The following WDPCP variants were observed in gnomAD, a reference collection of about 807,000 sequenced individuals.
WDPCP encodes the protein WD repeat-containing and planar cell polarity effector protein fritz homolog.
In WDPCP, 71 loss-of-function variants were observed where a neutral mutation model predicts 93.1. The ratio of observed to expected loss-of-function variants is 0.76; its 90% CI spans 0.63 to 0.93. The LOEUF is 0.93. Among genes scored for constraint, WDPCP ranks in the 40% least tolerant of loss-of-function variants. The pLI is 0.00. For synonymous variants in WDPCP, 315 were observed against 315.0 expected, an observed-to-expected ratio of 1.00 and a Z score of 0.00; for missense variants, 844 against 887.4, an observed-to-expected ratio of 0.95 and a Z score of 0.62.
At chr2:63,516,238 T>C (rs1702543890) in intron 1 of WDPCP, among the ~76,000 whole-genome samples, 1 of 152,140 alleles carries the variant, frequency 6.6e-6, no homozygotes, top group Non-Finnish European at 1.5e-5. Flanking sequence ...AATACATTCA[T>C]AAATGTGTAA....
chr2:63,559,253 AC>A (rs956663403), intron 1 of WDPCP, among the ~76,000 whole-genome samples: 2 of 152,148 alleles, frequency 1.3e-5, no homozygotes, highest in African/African-American at 4.8e-5. Flanking sequence ...CTCTCAATAA[AC>A]TAGGTATTGA....
chr2:63,142,541 G>A lies in WDPCP; in HGVS notation c.2190+10373C>T, dbSNP rs563723265. On this transcript the variant is annotated intron_variant, in intron 17 of 17. Transcript: ENST00000272321. ...AATTTTTTAAAATTTATTGAGGGTC[G>A]TTTTATGGGCTATCATGTGCTGTAT... is the stretch of plus-strand genomic sequence containing the variant. Among the ~76,000 whole-genome samples, 9 of 152,204 alleles carry A rather than the reference G, an allele frequency of 5.9e-5. No homozygotes were observed. In the East Asian group the frequency reaches 7.7e-4, roughly 13 times the overall value.
chr2:63,235,482 T>G (rs1679310681), intron 14 of WDPCP, among the ~76,000 whole-genome samples: 2 of 152,188 alleles, frequency 1.3e-5, no homozygotes, highest in South Asian at 2.1e-4. Context: ...AGGCAACTCC[T>G]TCTTAACTCA....
chr2:63,561,339 G>A (rs562056147), intron 1 of WDPCP, among the ~76,000 whole-genome samples: 2 of 152,124 alleles, frequency 1.3e-5, no homozygotes, highest in East Asian at 1.9e-4. Flanking sequence ...CCAGCTGGGC[G>A]TGGTGGCACA....
chr2:63,503,133 C>G (rs891470845), intron 1 of WDPCP, among the ~76,000 whole-genome samples: 1 of 152,166 alleles, frequency 6.6e-6, no homozygotes, highest in African/African-American at 2.4e-5. Context: ...CGGTTTAATT[C>G]ACTTAGTTAA....
At chr2:63,217,869 C>T (rs962605271) in intron 14 of WDPCP, among the ~76,000 whole-genome samples, 1 of 152,086 alleles carries the variant, frequency 6.6e-6, no homozygotes, top group Non-Finnish European at 1.5e-5. Context: ...CATCATTTTG[C>T]AGTTTGGTCC....
Position 63,152,791 on chromosome 2 carries a change from A to T in WDPCP, c.2190+123T>A, listed in dbSNP as rs577989143. Reference sequence around the variant, plus strand: ...GTAGTTAATATAGACCAGTTAATCTAGTTAATGTAGTCCAGTTAATGTAGA... The same window carrying T: ...GTAGTTAATATAGACCAGTTAATCTTGTTAATGTAGTCCAGTTAATGTAGA... On this transcript the variant is annotated intron_variant, in intron 17 of 17. Transcript: ENST00000272321. The T allele has an allele frequency of 1.3e-5, 11 of 858,302 alleles. No homozygotes were observed. In the African/African-American group the frequency reaches 1.4e-4, roughly 11 times the overall value. 53.2% of individuals were successfully genotyped at this position (858,302 alleles called of 1,614,324 possible). A position where few individuals can be genotyped will look rare whatever the true frequency, so the allele number is the denominator to read the frequency against.
intron 2 of WDPCP, among the ~76,000 whole-genome samples, chr2:63,735,840 C>G (rs6709123): frequency 6.6e-6 from 1 of 152,056 alleles, no homozygotes; most frequent in African/African-American, 2.4e-5. Flanking sequence ...CAAGCTTTGA[C>G]TGACTGGTGA....
intron 2 of WDPCP, among the ~76,000 whole-genome samples, chr2:63,791,928 A>C (rs1670551347): frequency 6.6e-6 from 1 of 152,362 alleles, no homozygotes; most frequent in South Asian, 2.1e-4. Flanking sequence ...CGGTGCCTGC[A>C]TGTAAACGCT....
intron 3 of WDPCP, among the ~76,000 whole-genome samples, chr2:63,641,272 A>G (rs1018418349): frequency 6.6e-6 from 1 of 152,200 alleles, no homozygotes; most frequent in African/African-American, 2.4e-5. Flanking sequence ...CAGTGCTACA[A>G]TAAACATGAG....
intron 2 of WDPCP, among the ~76,000 whole-genome samples, chr2:63,691,416 C>T (rs1028683465): frequency 1.3e-5 from 2 of 152,166 alleles, no homozygotes; most frequent in African/African-American, 2.4e-5. Flanking sequence ...GGGCAGATCA[C>T]TTGAGGTCAG....
intron 3 of WDPCP, among the ~76,000 whole-genome samples, chr2:63,611,020 C>G (rs1192306170): frequency 6.6e-6 from 1 of 152,094 alleles, no homozygotes; most frequent in Non-Finnish European, 1.5e-5. Context: ...ATTACTTGAG[C>G]CCCAGAAGCA....
intron 12 of WDPCP, among the ~76,000 whole-genome samples, chr2:63,335,603 T>A (rs1688299103): frequency 6.6e-6 from 1 of 152,126 alleles, no homozygotes; most frequent in South Asian, 2.1e-4. Context: ...CTTAATTTCC[T>A]TCTTAAACTG....
At chr2:63,741,842 T>C (rs1042479021) in intron 2 of WDPCP, among the ~76,000 whole-genome samples, 1 of 152,126 alleles carries the variant, frequency 6.6e-6, no homozygotes, top group Non-Finnish European at 1.5e-5. Flanking sequence ...TCTATGCCTA[T>C]ATACAGATAA....
At chr2:63,839,745 A>G in the WDPCP span, among the ~76,000 whole-genome samples, 2 of 152,186 alleles carry the variant, frequency 1.3e-5, no homozygotes, top group Non-Finnish European at 2.9e-5. Context: ...AAGGATGTAG[A>G]GATTTTGTTA....
chr2:63,661,069 A>G (rs1710221011), intron 2 of WDPCP, among the ~76,000 whole-genome samples: 1 of 152,318 alleles, frequency 6.6e-6, no homozygotes, highest in African/African-American at 2.4e-5. Flanking sequence ...TGTATGAGTT[A>G]TCTATTGCTA....
At chr2:63,513,355 G>T (rs1449052678) in intron 1 of WDPCP, among the ~76,000 whole-genome samples, 1 of 152,132 alleles carries the variant, frequency 6.6e-6, no homozygotes, top group African/African-American at 2.4e-5. Context: ...TTGGAGGGGA[G>T]AAAGGAAGTA....
chr2:63,467,729 T>C (rs527687990), intron 6 of WDPCP, among the ~76,000 whole-genome samples: 10 of 143,084 alleles, frequency 7.0e-5, no homozygotes, highest in Admixed American at 5.2e-4. Context: ...TGAGCGAAGA[T>C]TGTGCCACTG....
chr2:63,224,825 T>C (rs62177784), intron 14 of WDPCP, among the ~76,000 whole-genome samples: 54,833 of 151,854 alleles, frequency 0.36, 12,503 homozygotes, highest in Non-Finnish European at 0.5. Flanking sequence ...TCATTGTACA[T>C]ATATTTGTCT....
Sources: gnomAD v4.1 joint callset for allele counts (sites outside exome capture counted in the v4.1 genomes callset) on GRCh38, gnomAD v4.1.1 for gene constraint, MANE v1.5 for transcripts, NCBI Gene and HGNC (gene_info 2026-07-23, HGNC 2026-07-21) for gene names.